Variants in PRKAR2B observed in about 807,000 individuals in gnomAD.
PRKAR2B encodes the protein protein kinase cAMP-dependent type II regulatory subunit beta, also known as cAMP-dependent protein kinase type II-beta regulatory subunit.
A neutral mutation model predicts 49.9 loss-of-function variants in PRKAR2B; 14 were observed. That is an observed-to-expected ratio of 0.28 (90% CI 0.19 to 0.44). The LOEUF is 0.44. PRKAR2B is among the 20% of genes least tolerant of loss of function. PRKAR2B has a pLI of 1.00. For missense variants in PRKAR2B, 393 were observed against 537.9 expected, an observed-to-expected ratio of 0.73 and a Z score of 2.67; for synonymous variants, 196 against 197.7, an observed-to-expected ratio of 0.99 and a Z score of 0.07.
At chr7:107,079,101 G>A (rs926189501) in intron 2 of PRKAR2B, among the ~76,000 whole-genome samples, 48 of 152,134 alleles carry the variant, frequency 3.2e-4, no homozygotes, top group Admixed American at 2.9e-3. Flanking sequence ...TATAAAATAG[G>A]TATGAGTAGA....
intron 1 of PRKAR2B, among the ~76,000 whole-genome samples, chr7:107,047,989 T>C (rs145596861): frequency 3.9e-5 from 6 of 152,368 alleles, no homozygotes; most frequent in African/African-American, 1.4e-4. Flanking sequence ...TTGCCGTTAG[T>C]TGACAATTGC....
chr7:107,118,042 A>AGCTAAG (rs1258875611), intron 2 of PRKAR2B, among the ~76,000 whole-genome samples: 20 of 152,236 alleles, frequency 1.3e-4, no homozygotes, highest in Non-Finnish European at 2.8e-4. Flanking sequence ...TATAGTTTCA[A>AGCTAAG]GCTAAATTTC....
chr7:107,099,926 G>T (rs2116811874), intron 2 of PRKAR2B, among the ~76,000 whole-genome samples: 1 of 152,240 alleles, frequency 6.6e-6, no homozygotes, highest in Non-Finnish European at 1.5e-5. Context: ...GAGCCACCGT[G>T]CCCGGCCAGT....
chr7:107,045,245 C>T, intron 1 of PRKAR2B, 31 bp downstream of exon 1: 1 of 1,396,682 alleles, frequency 7.2e-7, no homozygotes, highest in East Asian at 2.8e-5. Context: ...TTCGCGCCCC[C>T]GGATCCCCTC....
At chr7:107,126,985 C>T (rs1267438858) in intron 3 of PRKAR2B, among the ~76,000 whole-genome samples, 2 of 152,146 alleles carry the variant, frequency 1.3e-5, no homozygotes. Flanking sequence ...GTAGTCTTTA[C>T]ATAATGCAAA....
intron 2 of PRKAR2B, among the ~76,000 whole-genome samples, chr7:107,093,531 C>CT (rs1584423798): frequency 1.4e-5 from 2 of 145,996 alleles, no homozygotes; most frequent in African/African-American, 5.1e-5. Context: ...TTTTATTATA[C>CT]TTTAAGTTCT....
At position 107,044,936 on chromosome 7, in the gene PRKAR2B, C is replaced by T. The variant is rs1197052323; in HGVS notation, c.29C>T (p.Thr10Met). 1.9e-6 allele frequency: 3 copies of T among 1,599,342 alleles called. No homozygotes were observed. Among genetic ancestry groups the T allele is most frequent in the Non-Finnish European group, 2.6e-6 (3 of 1,175,242 alleles). MSIEIPAGL[T>M]ELLQGFTVEV... ...AGCATCGAGATCCCGGCGGGACTGACGGAGCTGCTGCAGGGCTTCACGGTG... is the reference window on the plus strand; with the variant it reads ...AGCATCGAGATCCCGGCGGGACTGATGGAGCTGCTGCAGGGCTTCACGGTG... The change falls in exon 1 of 11, where the codon ACG (threonine) becomes ATG (methionine). Residue 10 changes from threonine to methionine, a missense_variant. Physicochemically the swap from Thr to Met is moderately conservative, Grantham distance 81 (BLOSUM62 -1). Around this residue, in one of 2 missense-constraint regions of PRKAR2B, gnomAD observed 160 missense variants for 147.6 expected, o/e 1.08. Coordinates refer to ENST00000265717, the MANE Select transcript of PRKAR2B (RefSeq NM_002736.3).
intron 10 of PRKAR2B, among the ~76,000 whole-genome samples, chr7:107,157,854 T>A (rs983797364): frequency 1.3e-5 from 2 of 152,224 alleles, no homozygotes; most frequent in South Asian, 4.1e-4. Context: ...GGCATCTGTA[T>A]ATATCTGAGA....
intron 2 of PRKAR2B, among the ~76,000 whole-genome samples, chr7:107,084,820 T>A (rs1461295479): frequency 1.3e-5 from 2 of 151,578 alleles, no homozygotes; most frequent in Non-Finnish European, 2.9e-5. Flanking sequence ...AGAGACGGGG[T>A]TTCACCGTGT....
At chr7:107,055,416 T>C (rs904400890) in intron 1 of PRKAR2B, among the ~76,000 whole-genome samples, 8 of 152,240 alleles carry the variant, frequency 5.3e-5, no homozygotes, top group Admixed American at 2.6e-4. Flanking sequence ...TGAACTAGCT[T>C]ACAGTCCCAC....
intron 2 of PRKAR2B, among the ~76,000 whole-genome samples, chr7:107,076,005 T>G (rs1794388763): frequency 6.6e-6 from 1 of 152,158 alleles, no homozygotes; most frequent in Non-Finnish European, 1.5e-5. Context: ...GTTGGAACTC[T>G]GAATTTTTTT....
intron 4 of PRKAR2B, among the ~76,000 whole-genome samples, chr7:107,140,633 A>T (rs1795775194): frequency 1.3e-5 from 2 of 152,196 alleles, no homozygotes. Context: ...GACTAATTAT[A>T]ATTACTTTCA....
Position 107,159,682 on chromosome 7 carries a change from T to A in PRKAR2B, c.*100T>A. The A allele has an allele frequency of 7.5e-7, 1 of 1,340,994 alleles. No homozygotes were observed. The highest frequency in any genetic ancestry group is 1.0e-6 in the Non-Finnish European group (1 of 976,888). 83.1% of individuals were successfully genotyped at this position (1,340,994 alleles called of 1,614,324 possible). On this transcript the variant is annotated 3_prime_UTR_variant, in exon 11 of 11. Transcript: ENST00000265717. The stretch of plus-strand genomic sequence containing the variant: ...TAGATGCCAAGCATTTTCTGTGATT[T>A]CAGGTTTTTTCCTTTTTTTACATTT...
intron 1 of PRKAR2B, among the ~76,000 whole-genome samples, chr7:107,047,100 G>A (rs1336213753): frequency 6.6e-6 from 1 of 152,082 alleles, no homozygotes; most frequent in East Asian, 1.9e-4. Context: ...AGTTAAACTT[G>A]TTAAACAATT....
chr7:107,137,564 G>C (rs554660365), intron 4 of PRKAR2B, among the ~76,000 whole-genome samples: 1 of 152,258 alleles, frequency 6.6e-6, no homozygotes, highest in South Asian at 2.1e-4. Context: ...TAACTTCCTA[G>C]AAAAGGAACA....
intron 7 of PRKAR2B, among the ~76,000 whole-genome samples, chr7:107,152,638 C>G (rs933978818): frequency 3.3e-5 from 5 of 152,042 alleles, no homozygotes; most frequent in Non-Finnish European, 1.5e-5. Flanking sequence ...ATATATGTAC[C>G]CACAACATCT....
intron 2 of PRKAR2B, among the ~76,000 whole-genome samples, chr7:107,089,110 A>C (rs1049927032): frequency 2.0e-5 from 3 of 152,080 alleles, no homozygotes; most frequent in Admixed American, 6.5e-5. Context: ...TGGAGGTTTC[A>C]GTGAGCCAAG....
chr7:107,121,829 G>A (rs1219354144), intron 2 of PRKAR2B, 123 bp from the exon 3 acceptor site: 1 of 458,538 alleles, frequency 2.2e-6, no homozygotes, highest in African/African-American at 2.0e-5. Context: ...TCTCCTGGTT[G>A]AGGTGAATTA....
intron 2 of PRKAR2B, among the ~76,000 whole-genome samples, chr7:107,071,662 A>G (rs960167183): frequency 4.6e-5 from 7 of 152,200 alleles, no homozygotes; most frequent in African/African-American, 1.4e-4. Flanking sequence ...AATTCTTTCA[A>G]TAGAAACACA....
Sources: allele counts gnomAD v4.1 joint callset (sites outside exome capture counted in the v4.1 genomes callset), GRCh38; gene constraint gnomAD v4.1.1; regional missense constraint gnomAD v4.1.1; transcripts MANE v1.5; gene names NCBI Gene and HGNC (gene_info 2026-07-23, HGNC 2026-07-21).